NDST1: variants seen among roughly 807,000 people sequenced by gnomAD.
NDST1 encodes N-deacetylase and N-sulfotransferase 1.
Under a neutral mutation model 92.8 loss-of-function variants are expected in NDST1, and 35 were observed. The observed-to-expected ratio is 0.38, with a 90% CI of 0.29 to 0.50. The LOEUF is 0.50. Among genes scored for constraint, NDST1 ranks in the 20% least tolerant of loss-of-function variants. The pLI, the probability that NDST1 is intolerant of heterozygous loss-of-function variation, is 0.94. For synonymous variants in NDST1, 493 were observed against 500.3 expected, an observed-to-expected ratio of 0.99 and a Z score of 0.19; for missense variants, 822 against 1,182.7, an observed-to-expected ratio of 0.69 and a Z score of 4.47.
rs1170888078 is a variant in NDST1, at chr5:150,556,624, C to T, written c.*3292C>T. On this transcript the variant is annotated 3_prime_UTR_variant, in exon 15 of 15. Transcript: ENST00000261797. ...CTGTGTATGTATATGTTTTCTCTGT[C>T]CTAATTTAAAAGTACATTGCAAACA... 6.6e-6 allele frequency: 1 copy of T among 152,166 alleles called. No homozygotes were observed. The highest frequency in any genetic ancestry group is 2.4e-5 in the African/African-American group (1 of 41,426). The allele number at this position is 152,166 out of a possible 1,614,324, so 9.4% of individuals were successfully genotyped here. A position where few individuals can be genotyped will look rare whatever the true frequency, so the allele number is the denominator to read the frequency against.
upstream of NDST1, among the ~76,000 whole-genome samples, chr5:150,505,887 C>G (rs184879418): frequency 1.8e-4 from 27 of 152,218 alleles, no homozygotes; most frequent in East Asian, 4.4e-3. Flanking sequence ...TTCCAGCAAT[C>G]CTCCTACCTC....
chr5:150,528,609 A>G (rs2748218), intron 3 of NDST1, among the ~76,000 whole-genome samples: 124,593 of 151,928 alleles, frequency 0.82, 51,479 homozygotes, highest in African/African-American at 0.9. Context: ...TGGCCAACAC[A>G]GCGAAACCCC....
At chr5:150,504,735 C>T (rs1753373821), upstream of NDST1, among the ~76,000 whole-genome samples, 2 of 152,194 alleles carry the variant, frequency 1.3e-5, no homozygotes, top group South Asian at 4.1e-4. Context: ...GAAATGAAAA[C>T]AGTAGCAATA....
intron 8 of NDST1, 65 bp downstream of exon 8, chr5:150,540,329 A>T (rs773883086): frequency 1.3e-6 from 2 of 1,494,312 alleles, no homozygotes; most frequent in Non-Finnish European, 1.8e-6. Flanking sequence ...ACAGGCACAC[A>T]CTCCAGATAT....
At chr5:150,505,258 C>T (rs1345948741), upstream of NDST1, among the ~76,000 whole-genome samples, 1 of 152,154 alleles carries the variant, frequency 6.6e-6, no homozygotes, top group African/African-American at 2.4e-5. Flanking sequence ...CCTACCTGCT[C>T]CCGGCTGTCC....
rs1290147 is a variant in NDST1, at chr5:150,540,177, G to A, written c.1662G>A (p.Thr554=). ...TGGTGCGCTTCCTGCACTCCTGGAC[G>A]AACCTCCGGCTGCAGACACTGCCCC... ...KHLVRFLHSW[T]NLRLQTLPPV... is the part of the protein sequence containing the mutation. Residue 554 remains threonine, a synonymous_variant, in exon 8 of 15, where the codon ACG becomes ACA. Transcript: ENST00000261797. 4 of 1,614,044 alleles carry A rather than the reference G, an allele frequency of 2.5e-6. No individual in the cohort carries two copies. Among genetic ancestry groups the A allele is most frequent in the Non-Finnish European group, 2.5e-6 (3 of 1,179,954 alleles).
rs766358150 is a variant in NDST1 at position 150,521,544 on chromosome 5, G to A, written c.290G>A (p.Gly97Asp). Residue 97 changes from glycine to aspartate, a missense_variant, in exon 2 of 15, where the codon GGC becomes GAC. By Grantham distance (94) the Gly-to-Asp change is moderately conservative (BLOSUM62 -1). Transcript: ENST00000261797. This position sits in a 1 kb window ranked among gnomAD's most constrained non-coding sequence, Gnocchi z 5.9. ...VFVESLYSQLGQEVVAILESS... is the reference protein window; with the variant it reads ...VFVESLYSQLDQEVVAILESS... ...GTGGAGAGCCTCTACTCGCAACTGG[G>A]CCAGGAGGTGGTGGCCATCCTGGAG... 6.2e-7 allele frequency: 1 copy of A among 1,613,882 alleles called. No homozygotes were observed. The highest frequency in any genetic ancestry group is 8.5e-7 in the Non-Finnish European group (1 of 1,180,028).
intron 8 of NDST1, 75 bp from the exon 9 acceptor site, chr5:150,541,495 A>T: frequency 7.7e-7 from 1 of 1,303,852 alleles, no homozygotes. Flanking sequence ...TGTAAGGGCC[A>T]CATATCCATG....
At chr5:150,501,111 C>G (rs1753209471) in intron 1 of NDST1, among the ~76,000 whole-genome samples, 1 of 152,196 alleles carries the variant, frequency 6.6e-6, no homozygotes, top group Non-Finnish European at 1.5e-5. Context: ...TTTGTCTTTC[C>G]TTAAACTATC....
chr5:150,521,871 G>T lies in NDST1; in HGVS notation c.513+104G>T. 6.7e-7 allele frequency: 1 copy of T among 1,485,116 alleles called. No homozygotes were observed. The highest frequency in any genetic ancestry group is 9.2e-7 in the Non-Finnish European group (1 of 1,081,244). 92.0% of individuals were successfully genotyped at this position (1,485,116 alleles called of 1,614,324 possible). On this transcript the variant is annotated intron_variant, in intron 2 of 14. Transcript: ENST00000261797. This position sits in a 1 kb window ranked among gnomAD's most constrained non-coding sequence, Gnocchi z 5.9. The stretch of plus-strand genomic sequence containing the variant: ...GTGTAATGGTAGCACCCGCCTCCTG[G>T]GGTTGTTGGGAGGGTTAAATGAGTG...
chr5:150,512,564 C>T (rs1753776755), intron 1 of NDST1, among the ~76,000 whole-genome samples: 1 of 152,240 alleles, frequency 6.6e-6, no homozygotes, highest in African/African-American at 2.4e-5. Context: ...AACCTCCTTC[C>T]TGGATCCCAT....
At chr5:150,535,199 A>G (rs932938564) in intron 5 of NDST1, 178 bp downstream of exon 5, 13 of 810,410 alleles carry the variant, frequency 1.6e-5, no homozygotes, top group Non-Finnish European at 3.0e-6. Flanking sequence ...CCCCAAGAGA[A>G]TAACCCCTTT....
At chr5:150,518,982 G>C (rs995247041) in intron 1 of NDST1, 2 of 152,038 alleles carry the variant, frequency 1.3e-5, no homozygotes, top group Non-Finnish European at 2.9e-5. Context: ...TCACCATGTT[G>C]CCCAGGCTGG....
chr5:150,525,180 T>C (rs1024941927), intron 2 of NDST1, among the ~76,000 whole-genome samples: 3 of 151,956 alleles, frequency 2.0e-5, no homozygotes, highest in Non-Finnish European at 4.4e-5. Context: ...TGCTGTGGGG[T>C]GAGGCCTGCA....
rs530767757 is a variant in NDST1, at chr5:150,537,036, CAGA to C, written c.1437+1156_1437+1158del. ...ACAGAGGGACTGGCTGAAGCCATGG[CAGA>C]AGAACATAAATTGTGAAGATTTCAT... On this transcript the variant is annotated intron_variant, in intron 6 of 14. Transcript: ENST00000261797. Among the ~76,000 whole-genome samples the C allele has an allele frequency of 4.8e-3, 738 of 152,314 alleles. 6 individuals are homozygous for C. Among genetic ancestry groups the C allele is most frequent in the African/African-American group, 0.017 (699 of 41,566 alleles).
upstream of NDST1, among the ~76,000 whole-genome samples, chr5:150,504,111 GGT>G (rs1484975517): frequency 6.6e-6 from 1 of 152,132 alleles, no homozygotes; most frequent in African/African-American, 2.4e-5. Flanking sequence ...ACACTTCACT[GGT>G]GCCCAGGCAT....
chr5:150,520,813 T>C (rs1754214395), intron 1 of NDST1, 55 bp from the exon 2 acceptor site: 1 of 407,070 alleles, frequency 2.5e-6, no homozygotes. Flanking sequence ...TGTCCACAGT[T>C]AGCTGAACCC....
At chr5:150,527,080 A>G (rs1342084552) in intron 2 of NDST1, among the ~76,000 whole-genome samples, 1 of 152,250 alleles carries the variant, frequency 6.6e-6, no homozygotes, top group Non-Finnish European at 1.5e-5. Flanking sequence ...TGTCTCCTGA[A>G]GAAAAGGTTG....
At position 150,557,088 on chromosome 5, in the gene NDST1, G is replaced by C. The variant is rs1428022062; in HGVS notation, c.*3756G>C. On this transcript the variant is annotated 3_prime_UTR_variant, in exon 15 of 15. Transcript: ENST00000261797. The surrounding 1 kb of genome is among the most constrained non-coding windows in gnomAD (Gnocchi z 4.7). ...TACATGAGATTTTGCCTTTTGTGCT[G>C]ACTTGACAGCTTCACTTCTGCCTAA... is the stretch of plus-strand genomic sequence containing the variant. 6.6e-6 allele frequency: 1 copy of C among 152,620 alleles called. No individual in the cohort carries two copies. The highest frequency in any genetic ancestry group is 1.5e-5 in the Non-Finnish European group (1 of 68,042). 9.5% of individuals were successfully genotyped at this position (152,620 alleles called of 1,614,324 possible).
Sources: gnomAD v4.1 joint callset for allele counts (sites outside exome capture counted in the v4.1 genomes callset) on GRCh38, gnomAD v4.1.1 for gene constraint, Gnocchi (gnomAD v3.1) non-coding constraint, MANE v1.5 for transcripts, NCBI Gene and HGNC (gene_info 2026-07-23, HGNC 2026-07-21) for gene names.